Variants in DENND2A observed in about 807,000 individuals in gnomAD.
DENND2A encodes the protein DENN domain containing 2A.
Under a neutral mutation model 105.3 loss-of-function variants are expected in DENND2A, and 53 were observed. The ratio of observed to expected loss-of-function variants is 0.50; its 90% CI spans 0.40 to 0.63. The LOEUF (loss-of-function observed/expected upper bound fraction) is 0.63. Among genes scored for constraint, DENND2A ranks in the 30% least tolerant of loss-of-function variants. The probability of loss-of-function intolerance (pLI) is 0.00; values close to 1 mark genes in which losing one functional copy is unlikely to be tolerated. For synonymous variants in DENND2A, 522 were observed against 508.4 expected (o/e 1.03, Z -0.36); for missense variants, 1,138 against 1,279.6 (o/e 0.89, Z 1.69).
chr7:140,564,907 C>A (rs1250650988), intron 9 of DENND2A, among the ~76,000 whole-genome samples: 2 of 152,126 alleles, frequency 1.3e-5, no homozygotes, highest in Admixed American at 1.3e-4. Flanking sequence ...ACCCAGTGGC[C>A]TCTCTTACCC....
chr7:140,607,143 A>G (rs899812941), intron 1 of DENND2A, among the ~76,000 whole-genome samples: 4 of 152,160 alleles, frequency 2.6e-5, no homozygotes, highest in African/African-American at 9.7e-5. Context: ...CTCCTTCTTC[A>G]GTTTCCAGGA....
chr7:140,616,205 A>G (rs1376128073), intron 1 of DENND2A, among the ~76,000 whole-genome samples: 5 of 152,146 alleles, frequency 3.3e-5, no homozygotes, highest in African/African-American at 1.2e-4. Context: ...CATCTCTACT[A>G]AAAATATAAA....
chr7:140,569,275 C>T (rs777140314), intron 7 of DENND2A, among the ~76,000 whole-genome samples: 45 of 152,180 alleles, frequency 3.0e-4, no homozygotes, highest in Non-Finnish European at 5.1e-4. Context: ...TCGTCCAACT[C>T]GATGTACTGC....
intron 9 of DENND2A, among the ~76,000 whole-genome samples, chr7:140,564,571 A>G (rs992137341): frequency 2.6e-5 from 4 of 152,202 alleles, no homozygotes; most frequent in African/African-American, 9.7e-5. Flanking sequence ...GAAAATGTTA[A>G]CAGTGACGGT....
At chr7:140,580,326 T>TATGC (rs1306980024) in intron 5 of DENND2A, among the ~76,000 whole-genome samples, 12 of 152,260 alleles carry the variant, frequency 7.9e-5, no homozygotes, top group African/African-American at 2.6e-4. Flanking sequence ...TGTATGCATG[T>TATGC]ATGTATGTAT....
chr7:140,570,604 T>C (rs1233134633), intron 6 of DENND2A, among the ~76,000 whole-genome samples: 5 of 152,072 alleles, frequency 3.3e-5, no homozygotes, highest in African/African-American at 1.2e-4. Flanking sequence ...AGGGACACGC[T>C]CCCCAGATGT....
At chr7:140,624,460 G>C (rs572721511) in intron 1 of DENND2A, among the ~76,000 whole-genome samples, 1 of 152,210 alleles carries the variant, frequency 6.6e-6, no homozygotes, top group African/African-American at 2.4e-5. Context: ...CAGGTGGGAC[G>C]CCAGGGCTGC....
chr7:140,551,299 C>CAAGAA (rs1797127020), intron 12 of DENND2A, among the ~76,000 whole-genome samples: 1 of 71,742 alleles, frequency 1.4e-5, no homozygotes, highest in African/African-American at 5.2e-5. Flanking sequence ...GACTCCATCT[C>CAAGAA]AAAAAAAAAA....
chr7:140,570,461 C>G lies in DENND2A; in HGVS notation c.1447-723G>C, dbSNP rs570591432. On this transcript the variant is annotated intron_variant, in intron 6 of 19. Transcript: ENST00000496613. ...AAAAGTTCCCAGGCAGGGCTCCCTTCATGGGAACTATTCCAAAGAATGTCA... is the reference window on the plus strand; with the variant it reads ...AAAAGTTCCCAGGCAGGGCTCCCTTGATGGGAACTATTCCAAAGAATGTCA... 4.5e-4 allele frequency among the ~76,000 whole-genome samples: 68 copies of G among 152,336 alleles called. 1 individual carries two copies. The highest frequency in any genetic ancestry group is 3.3e-3 in the Admixed American group (50 of 15,300).
At chr7:140,519,937 T>C (rs1795793375) in intron 18 of DENND2A, among the ~76,000 whole-genome samples, 1 of 152,154 alleles carries the variant, frequency 6.6e-6, no homozygotes. Flanking sequence ...AGCCACCTCA[T>C]AGATGAAATC....
At chr7:140,538,846 CAG>C (rs1419508848) in intron 14 of DENND2A, among the ~76,000 whole-genome samples, 1 of 149,458 alleles carries the variant, frequency 6.7e-6, no homozygotes, top group African/African-American at 2.5e-5. Context: ...TTTTTTGAGA[CAG>C]AGTCTCGCTC....
At chr7:140,613,635 C>T (rs754101796) in intron 1 of DENND2A, among the ~76,000 whole-genome samples, 14 of 150,968 alleles carry the variant, frequency 9.3e-5, no homozygotes, top group Non-Finnish European at 1.6e-4. Context: ...TATGGGGTAG[C>T]CCTGCTTTGC....
intron 14 of DENND2A, among the ~76,000 whole-genome samples, chr7:140,541,778 T>G (rs996364597): frequency 6.6e-6 from 1 of 152,112 alleles, no homozygotes; most frequent in African/African-American, 2.4e-5. Context: ...GGGAGTACGA[T>G]CACGCTGACA....
chr7:140,611,122 C>T (rs373366854), intron 1 of DENND2A, among the ~76,000 whole-genome samples: 1 of 152,126 alleles, frequency 6.6e-6, no homozygotes, highest in East Asian at 1.9e-4. Context: ...CTCGGCTCAC[C>T]GCCACTCCAC....
intron 5 of DENND2A, among the ~76,000 whole-genome samples, chr7:140,575,936 C>T (rs1291503337): frequency 6.6e-6 from 1 of 151,150 alleles, no homozygotes; most frequent in Non-Finnish European, 1.5e-5. Context: ...ACAACTGCAC[C>T]CCCGCCTAGG....
At chr7:140,519,916 G>T (rs1795792419) in intron 18 of DENND2A, among the ~76,000 whole-genome samples, 198 bp from the exon 19 acceptor site, 1 of 152,090 alleles carries the variant, frequency 6.6e-6, no homozygotes, top group South Asian at 2.1e-4. Flanking sequence ...ACTCCCTTTG[G>T]AAAGCTATAA....
intron 6 of DENND2A, among the ~76,000 whole-genome samples, chr7:140,571,996 C>T (rs758670040): frequency 6.6e-6 from 1 of 151,932 alleles, no homozygotes. Flanking sequence ...CTCTCTCTCT[C>T]TCTCTCTGTC....
chr7:140,585,821 T>A, intron 4 of DENND2A, 111 bp from the exon 5 acceptor site: 1 of 1,497,926 alleles, frequency 6.7e-7, no homozygotes, highest in Non-Finnish European at 9.1e-7. Flanking sequence ...TGTAGGCATA[T>A]CTGCTGTTTT....
rs553748083 is a variant in DENND2A at position 140,584,111 on chromosome 7, G to A, written c.1245+1478C>T. 6.7e-5 allele frequency among the ~76,000 whole-genome samples: 10 copies of A among 149,214 alleles called. 1 individual carries two copies. The highest frequency in any genetic ancestry group is 2.1e-4 in the South Asian group (1 of 4,764). ...ACAAAAATTAGCCAGGCGTGGAGGCGCATGCCTGTAATCCCAGCTACTTGG... is the reference window on the plus strand; with the variant it reads ...ACAAAAATTAGCCAGGCGTGGAGGCACATGCCTGTAATCCCAGCTACTTGG... On this transcript the variant is annotated intron_variant, in intron 5 of 19. Transcript: ENST00000496613.
Sources: gnomAD v4.1 joint callset for allele counts (sites outside exome capture counted in the v4.1 genomes callset) on GRCh38, gnomAD v4.1.1 for gene constraint, MANE v1.5 for transcripts, NCBI Gene and HGNC (gene_info 2026-07-23, HGNC 2026-07-21) for gene names.